The following DOCK1 variants were observed in gnomAD, a reference collection of about 807,000 sequenced individuals.
The protein encoded by DOCK1 is dedicator of cytokinesis protein 1.
Under a neutral mutation model 262.7 loss-of-function variants are expected in DOCK1, and 138 were observed. That is an observed-to-expected ratio of 0.53 (90% CI 0.46 to 0.61). The LOEUF is 0.61. DOCK1 is among the 20% of genes least tolerant of loss of function. DOCK1 has a pLI of 0.00. For synonymous variants in DOCK1, 866 were observed against 867.4 expected (o/e 1.00, Z 0.03); for missense variants, 1,908 against 2,370.7 (o/e 0.80, Z 4.05).
At chr10:127,373,323 A>C (rs1430292523) in intron 33 of DOCK1, among the ~76,000 whole-genome samples, 2 of 148,102 alleles carry the variant, frequency 1.4e-5, no homozygotes, top group African/African-American at 2.4e-5. Context: ...GGATCTATCA[A>C]GGAATGGCAG....
At chr10:127,002,058 C>G (rs1021526478) in intron 10 of DOCK1, among the ~76,000 whole-genome samples, 1 of 152,120 alleles carries the variant, frequency 6.6e-6, no homozygotes, top group African/African-American at 2.4e-5. Context: ...GAAAATTGCC[C>G]CTCTATTTGT....
intron 1 of DOCK1, among the ~76,000 whole-genome samples, chr10:126,907,388 G>C (rs1385049293): frequency 6.6e-6 from 1 of 152,134 alleles, no homozygotes; most frequent in Non-Finnish European, 1.5e-5. Flanking sequence ...GTGGCCATTG[G>C]GGGTGTAGTG....
At chr10:127,117,382 T>G (rs1292392527) in intron 25 of DOCK1, among the ~76,000 whole-genome samples, 2 of 152,240 alleles carry the variant, frequency 1.3e-5, no homozygotes, top group Non-Finnish European at 2.9e-5. Flanking sequence ...CAGCCCACTC[T>G]TTTCTTAAAC....
chr10:127,433,158 G>A, intron 47 of DOCK1, 125 bp from the exon 48 acceptor site: 1 of 1,353,938 alleles, frequency 7.4e-7, no homozygotes, highest in Non-Finnish European at 1.0e-6. Flanking sequence ...AACATGTACT[G>A]TTTACAGAAG....
At chr10:127,079,240 G>A (rs2046756450) in intron 23 of DOCK1, among the ~76,000 whole-genome samples, 1 of 152,158 alleles carries the variant, frequency 6.6e-6, no homozygotes, top group South Asian at 2.1e-4. Context: ...TCTGGAATCT[G>A]AACCTCTTGA....
intron 38 of DOCK1, among the ~76,000 whole-genome samples, chr10:127,401,365 CAAGT>C (rs1188272857): frequency 6.6e-6 from 1 of 152,118 alleles, no homozygotes; most frequent in Non-Finnish European, 1.5e-5. Context: ...GAGACCGAGG[CAAGT>C]TTCAGAGCAG....
chr10:126,922,079 G>A (rs1376098582), intron 1 of DOCK1, among the ~76,000 whole-genome samples: 1 of 151,826 alleles, frequency 6.6e-6, no homozygotes, highest in East Asian at 2.0e-4. Flanking sequence ...AGGCGTGGTG[G>A]CACACACCTG....
At chr10:127,364,442 C>T (rs1035472663) in intron 33 of DOCK1, among the ~76,000 whole-genome samples, 4 of 152,210 alleles carry the variant, frequency 2.6e-5, no homozygotes, top group African/African-American at 9.6e-5. Context: ...TCTCAGCTCA[C>T]TACAGCCTCC....
chr10:127,140,607 C>T (rs1362408573), intron 27 of DOCK1, among the ~76,000 whole-genome samples: 1 of 152,182 alleles, frequency 6.6e-6, no homozygotes, highest in Non-Finnish European at 1.5e-5. Flanking sequence ...TGGGGAAGCA[C>T]ACCAAGTCTC....
intron 16 of DOCK1, among the ~76,000 whole-genome samples, chr10:127,028,445 T>C (rs1159737525): frequency 1.3e-5 from 2 of 152,206 alleles, no homozygotes; most frequent in African/African-American, 4.8e-5. Context: ...TCCCATGTGG[T>C]ATCAGTATTA....
At chr10:127,238,218 T>C (rs2059141436) in intron 27 of DOCK1, among the ~76,000 whole-genome samples, 1 of 152,256 alleles carries the variant, frequency 6.6e-6, no homozygotes, top group African/African-American at 2.4e-5. Context: ...TCTTGTCAAA[T>C]GCTGTATACT....
intron 1 of DOCK1, among the ~76,000 whole-genome samples, chr10:126,913,072 A>G (rs953420305): frequency 3.3e-5 from 5 of 151,526 alleles, no homozygotes; most frequent in African/African-American, 7.3e-5. Context: ...TGGGACTCCA[A>G]TTTGTTTCTG....
At chr10:127,067,506 CTGTG>C (rs1392912686) in intron 23 of DOCK1, among the ~76,000 whole-genome samples, 1 of 151,794 alleles carries the variant, frequency 6.6e-6, no homozygotes, top group African/African-American at 2.4e-5. Context: ...GTGAGTGTGT[CTGTG>C]TGCATTGTAT....
intron 29 of DOCK1, among the ~76,000 whole-genome samples, chr10:127,308,621 T>G (rs1364266187): frequency 1.3e-5 from 2 of 152,164 alleles, no homozygotes; most frequent in Non-Finnish European, 1.5e-5. Context: ...GTACGCGTTG[T>G]TCTCCTCCCT....
intron 14 of DOCK1, 53 bp from the exon 15 acceptor site, chr10:127,024,632 T>G: frequency 2.7e-6 from 4 of 1,462,822 alleles, no homozygotes; most frequent in Non-Finnish European, 2.8e-6. Flanking sequence ...GAGATGTATA[T>G]GGTGTCAAGC....
chr10:127,237,741 T>C (rs2059123668), intron 27 of DOCK1, among the ~76,000 whole-genome samples: 2 of 152,222 alleles, frequency 1.3e-5, no homozygotes, highest in Admixed American at 1.3e-4. Flanking sequence ...GTTCCTTTGA[T>C]TGGAAAAGAA....
At chr10:126,930,892 T>G (rs1327057238) in intron 1 of DOCK1, among the ~76,000 whole-genome samples, 1 of 151,996 alleles carries the variant, frequency 6.6e-6, no homozygotes, top group Non-Finnish European at 1.5e-5. Flanking sequence ...TTTCTGACAG[T>G]TTTGAGATGC....
intron 27 of DOCK1, among the ~76,000 whole-genome samples, chr10:127,129,434 C>T (rs2050170930): frequency 1.3e-5 from 2 of 152,192 alleles, no homozygotes; most frequent in Non-Finnish European, 2.9e-5. Context: ...TCCATTATTA[C>T]ATAAACATAA....
At chr10:127,334,767 A>G (rs967890087) in intron 29 of DOCK1, among the ~76,000 whole-genome samples, 6 of 152,146 alleles carry the variant, frequency 3.9e-5, no homozygotes, top group Admixed American at 3.9e-4. Context: ...TTCTCACAGC[A>G]TTTGTTATTG....
Sources: gnomAD v4.1 joint callset for allele counts (sites outside exome capture counted in the v4.1 genomes callset) on GRCh38, gnomAD v4.1.1 for gene constraint, MANE v1.5 for transcripts, NCBI Gene and HGNC (gene_info 2026-07-23, HGNC 2026-07-21) for gene names.